Variants in CADPS2 observed in about 807,000 individuals in gnomAD.
The protein encoded by CADPS2 is calcium-dependent secretion activator 2.
Under a neutral mutation model 172.5 loss-of-function variants are expected in CADPS2, and 93 were observed. The ratio of observed to expected loss-of-function variants is 0.54; its 90% confidence interval spans 0.46 to 0.64. The LOEUF is 0.64. Among genes scored for constraint, CADPS2 ranks in the 30% least tolerant of loss-of-function variants. CADPS2 has a pLI of 0.00. For missense variants in CADPS2, 1,420 were observed against 1,565.9 expected (o/e 0.91, Z 1.57); for synonymous variants, 546 against 555.2 (o/e 0.98, Z 0.23).
intron 2 of CADPS2, among the ~76,000 whole-genome samples, chr7:122,720,630 A>ATACATACATATATGTATGTG (rs2090274344): frequency 6.6e-6 from 1 of 151,684 alleles, no homozygotes; most frequent in Admixed American, 6.6e-5. Flanking sequence ...ATATGTACGT[A>ATACATACATATATGTATGTG]TGTGTATACA....
chr7:122,605,493 C>G (rs1166613943), intron 6 of CADPS2, among the ~76,000 whole-genome samples: 1 of 152,008 alleles, frequency 6.6e-6, no homozygotes, highest in East Asian at 1.9e-4. Context: ...TGAAAAATAC[C>G]TGCAAACTCT....
At chr7:122,819,815 CAAGTAT>C (rs1802611620) in intron 1 of CADPS2, among the ~76,000 whole-genome samples, 1 of 152,168 alleles carries the variant, frequency 6.6e-6, no homozygotes, top group Admixed American at 6.5e-5. Flanking sequence ...CCTTAATTCA[CAAGTAT>C]AAGATACCTC....
chr7:122,746,620 AACACACAGACACACACACACAG>A (rs1423075233), intron 1 of CADPS2, among the ~76,000 whole-genome samples: 388 of 112,264 alleles, frequency 3.5e-3, no homozygotes, highest in Non-Finnish European at 4.5e-3. Flanking sequence ...GATGAGCTAA[AACACACAGACACACACACACAG>A]ACACACACAC....
chr7:122,873,933 CAT>C (rs1208920916), intron 1 of CADPS2, among the ~76,000 whole-genome samples: 3 of 151,928 alleles, frequency 2.0e-5, no homozygotes, highest in Admixed American at 1.3e-4. Context: ...ATGAGCTTTT[CAT>C]ATGTTTGTTG....
chr7:122,654,986 T>G (rs1171883542), intron 3 of CADPS2, among the ~76,000 whole-genome samples: 3 of 152,166 alleles, frequency 2.0e-5, no homozygotes, highest in African/African-American at 7.2e-5. Flanking sequence ...AAGACTTCAG[T>G]AAAGGAAGTA....
chr7:122,373,822 AAAG>A (rs2042042025), intron 25 of CADPS2, among the ~76,000 whole-genome samples: 2 of 152,346 alleles, frequency 1.3e-5, no homozygotes, highest in African/African-American at 4.8e-5. Context: ...CCAAACATTT[AAAG>A]AAGAATTAAT....
intron 27 of CADPS2, among the ~76,000 whole-genome samples, chr7:122,355,321 C>T (rs577613581): frequency 6.6e-6 from 1 of 152,252 alleles, no homozygotes; most frequent in South Asian, 2.1e-4. Flanking sequence ...TGGCATATGC[C>T]TGTAATCCCA....
chr7:122,443,307 C>G (rs930397875), intron 15 of CADPS2, among the ~76,000 whole-genome samples: 1 of 152,108 alleles, frequency 6.6e-6, no homozygotes, highest in African/African-American at 2.4e-5. Context: ...TACATAGAAG[C>G]TTAATTAATC....
chr7:122,505,011 T>C (rs2059505099), intron 9 of CADPS2, among the ~76,000 whole-genome samples: 1 of 152,230 alleles, frequency 6.6e-6, no homozygotes, highest in African/African-American at 2.4e-5. Context: ...ACTAAATTTG[T>C]CTATTTCTAA....
rs140517763 is a variant in CADPS2, at chr7:122,500,408, G to A, written c.1543-8988C>T. On this transcript the variant is annotated intron_variant, in intron 9 of 29. Transcript: ENST00000449022. ...TGAAAGTATAAGCCACATATTTATC[G>A]TCTTAAAAAAAAACTAACAGTTTAA... 3.2e-3 allele frequency among the ~76,000 whole-genome samples: 487 copies of A among 151,816 alleles called. 1 individual carries two copies. The highest frequency in any genetic ancestry group is 5.5e-3 in the Non-Finnish European group (373 of 67,960).
At chr7:122,476,999 A>AGGG in intron 12 of CADPS2, among the ~76,000 whole-genome samples, 1 of 35,394 alleles carries the variant, frequency 2.8e-5, no homozygotes, top group Non-Finnish European at 6.4e-5. Context: ...AGGGGAGGGG[A>AGGG]GAGGAGAGGA....
intron 1 of CADPS2, among the ~76,000 whole-genome samples, chr7:122,822,210 C>A (rs1165116537): frequency 5.3e-5 from 8 of 151,648 alleles, no homozygotes; most frequent in African/African-American, 1.5e-4. Context: ...AATCAGATAT[C>A]CTGAGTCGTC....
intron 1 of CADPS2, among the ~76,000 whole-genome samples, chr7:122,737,645 A>C (rs1028295634): frequency 2.6e-5 from 4 of 152,180 alleles, no homozygotes; most frequent in African/African-American, 9.6e-5. Flanking sequence ...TTCTACCCCA[A>C]GTTTCTATCT....
intron 11 of CADPS2, among the ~76,000 whole-genome samples, chr7:122,489,411 G>A (rs1441249195): frequency 2.0e-5 from 3 of 152,104 alleles, no homozygotes; most frequent in Non-Finnish European, 2.9e-5. Context: ...AACAGGATAA[G>A]CTTTGTAAAG....
chr7:122,416,228 G>A (rs1177651444), intron 17 of CADPS2, 64 bp from the exon 18 acceptor site: 16 of 788,636 alleles, frequency 2.0e-5, no homozygotes, highest in African/African-American at 5.1e-5. Context: ...ATTTGAAGAC[G>A]TAATGATGAG....
In CADPS2 at chr7:122,833,520, A is replaced by C. The variant is rs571900351; in HGVS notation, c.339+52479T>G. The stretch of plus-strand genomic sequence containing the variant: ...TTACAAGTGCCCCCGTCCTCCCACC[A>C]CACCCAGCTTTGTTTTTTTTTGTTT... On this transcript the variant is annotated intron_variant, in intron 1 of 29. Transcript: ENST00000449022. Among the ~76,000 whole-genome samples, 260 of 151,428 alleles carry C rather than the reference A, an allele frequency of 1.7e-3. 3 individuals carry two copies. The highest frequency in any genetic ancestry group is 6.2e-3 in the African/African-American group (256 of 41,260).
chr7:122,823,240 T>C (rs1006208980), intron 1 of CADPS2, among the ~76,000 whole-genome samples: 2 of 152,188 alleles, frequency 1.3e-5, no homozygotes, highest in African/African-American at 4.8e-5. Context: ...GGTCATCTCA[T>C]AGTAATTTCT....
chr7:122,793,746 G>A (rs1795779324), intron 1 of CADPS2, among the ~76,000 whole-genome samples: 1 of 152,138 alleles, frequency 6.6e-6, no homozygotes, highest in Non-Finnish European at 1.5e-5. Context: ...ACTTCAGTGT[G>A]TTTTTGTAGT....
intron 1 of CADPS2, among the ~76,000 whole-genome samples, chr7:122,778,695 A>G (rs904544625): frequency 2.0e-5 from 3 of 152,250 alleles, no homozygotes; most frequent in African/African-American, 7.2e-5. Flanking sequence ...GCAAGCCCCA[A>G]GCCTTGGCAG....
Sources: allele counts gnomAD v4.1 joint callset (sites outside exome capture counted in the v4.1 genomes callset), GRCh38; gene constraint gnomAD v4.1.1; transcripts MANE v1.5; gene names NCBI Gene and HGNC (gene_info 2026-07-23, HGNC 2026-07-21).